The following RUNX1T1 variants were observed in gnomAD, a reference collection of about 807,000 sequenced individuals.
RUNX1T1 encodes RUNX1 partner transcriptional co-repressor 1, also known as protein CBFA2T1.
RUNX1T1 carries 4 observed loss-of-function variants against 62.8 expected under a neutral mutation model. The ratio of observed to expected loss-of-function variants is 0.06; its 90% confidence interval spans 0.03 to 0.15. The LOEUF is 0.15. Among genes scored for constraint, RUNX1T1 ranks in the 10% least tolerant of loss-of-function variants. RUNX1T1 has a pLI of 1.00. For synonymous variants in RUNX1T1, 291 were observed against 286.0 expected (o/e 1.02, Z -0.18); for missense variants, 508 against 754.3 (o/e 0.67, Z 3.82).
chr8:91,968,391 A>G (rs926171892), intron 10 of RUNX1T1, among the ~76,000 whole-genome samples: 3 of 152,208 alleles, frequency 2.0e-5, no homozygotes, highest in African/African-American at 7.2e-5. Context: ...ACTCTCCGGT[A>G]AGTTTTGCAC....
rs544733008 is a variant in RUNX1T1, at chr8:92,077,038, A to G, written c.-85-901T>C. The stretch of plus-strand genomic sequence containing the variant: ...AAAAGGAATTACTAAGGCTGTAGCT[A>G]TTATTTTTTGAGACCAAATTACTTC... On this transcript the variant is annotated intron_variant, in intron 1 of 11. Coordinates refer to the RUNX1T1 transcript ENST00000265814. 4.6e-5 allele frequency among the ~76,000 whole-genome samples: 7 copies of G among 152,232 alleles called. No homozygotes were observed. The East Asian group carries it at 1.3e-3, about 29-fold the overall frequency.
At chr8:92,095,628 G>C (rs760243064) in intron 1 of RUNX1T1, 13 of 1,316,892 alleles carry the variant, frequency 9.9e-6, no homozygotes, top group Non-Finnish European at 1.3e-5. Context: ...GAGAGAGAGA[G>C]AAGACAGAAA....
intron 1 of RUNX1T1, among the ~76,000 whole-genome samples, chr8:92,047,139 T>C: frequency 6.6e-6 from 1 of 152,146 alleles, no homozygotes; most frequent in East Asian, 1.9e-4. Flanking sequence ...CGCTCCCTGC[T>C]ACTCTCTGGT....
At chr8:92,080,293 G>A (rs1456210664) in intron 1 of RUNX1T1, among the ~76,000 whole-genome samples, 1 of 152,184 alleles carries the variant, frequency 6.6e-6, no homozygotes, top group African/African-American at 2.4e-5. Flanking sequence ...TCTGTGACCT[G>A]TGATCTTTTT....
chr8:92,031,564 T>C (rs1826232667), intron 1 of RUNX1T1, among the ~76,000 whole-genome samples: 2 of 152,126 alleles, frequency 1.3e-5, no homozygotes, highest in South Asian at 2.1e-4. Flanking sequence ...CTTGACCTCA[T>C]GGGCTCTAGC....
intron 10 of RUNX1T1, among the ~76,000 whole-genome samples, chr8:91,960,992 T>G (rs1810322579): frequency 6.6e-6 from 1 of 152,170 alleles, no homozygotes; most frequent in African/African-American, 2.4e-5. Flanking sequence ...CAAATAAATA[T>G]AATAGAGTAG....
chr8:91,966,876 T>C (rs1811745032), intron 10 of RUNX1T1, among the ~76,000 whole-genome samples: 1 of 152,050 alleles, frequency 6.6e-6, no homozygotes, highest in Non-Finnish European at 1.5e-5. Context: ...TAGGTAGAAA[T>C]AATCATGAAG....
intron 1 of RUNX1T1, among the ~76,000 whole-genome samples, chr8:92,076,898 A>C (rs1029323430): frequency 2.0e-5 from 3 of 152,074 alleles, no homozygotes; most frequent in African/African-American, 4.8e-5. Context: ...GAATAGAAAA[A>C]GTATTGCTAT....
At chr8:91,974,917 T>C (rs1394771579) in intron 9 of RUNX1T1, among the ~76,000 whole-genome samples, 2 of 152,150 alleles carry the variant, frequency 1.3e-5, no homozygotes, top group Non-Finnish European at 2.9e-5. Context: ...AGTCAGCAAG[T>C]TACACAGAAC....
intron 1 of RUNX1T1, among the ~76,000 whole-genome samples, chr8:92,061,357 C>T (rs1430068913): frequency 6.6e-6 from 1 of 152,118 alleles, no homozygotes; most frequent in Non-Finnish European, 1.5e-5. Context: ...ATTATATACC[C>T]AGGGCACATT....
At chr8:92,076,246 T>TA (rs927247456) in intron 1 of RUNX1T1, 109 bp from the exon 2 acceptor site, 8,941 of 742,140 alleles carry the variant, frequency 0.012, no homozygotes, top group South Asian at 0.014. Flanking sequence ...ATGTTTTGTT[T>TA]AAAAAAAAAA....
chr8:92,064,324 C>T (rs1275221950), upstream of RUNX1T1, among the ~76,000 whole-genome samples: 1 of 152,188 alleles, frequency 6.6e-6, no homozygotes, highest in Non-Finnish European at 1.5e-5. Context: ...GACCACAATT[C>T]ATAACGATTA....
rs539910538 is a variant in RUNX1T1 at position 92,029,296 on chromosome 8, G to A, written c.8-11933C>T. ...GTTCATTTCTATAGTGTATCTGAGA[G>A]CACAGTATGAATAGGATAAAAGTGG... On this transcript the variant is annotated intron_variant, in intron 1 of 10. Transcript: ENST00000396218. Among the ~76,000 whole-genome samples the A allele has an allele frequency of 5.4e-4, 82 of 152,176 alleles. 1 individual carries two copies. Among genetic ancestry groups the A allele is most frequent in the Admixed American group, 4.6e-4 (7 of 15,280 alleles).
chr8:92,047,488 G>A (rs1829591058), intron 1 of RUNX1T1, among the ~76,000 whole-genome samples: 2 of 151,974 alleles, frequency 1.3e-5, no homozygotes, highest in Admixed American at 1.3e-4. Flanking sequence ...GTCTGCTCCT[G>A]TTCACTCCCA....
intron 5 of RUNX1T1, 46 bp from the exon 7 acceptor site, chr8:91,991,935 A>G (rs1197405530): frequency 4.4e-6 from 7 of 1,601,188 alleles, no homozygotes; most frequent in Non-Finnish European, 5.1e-6. Context: ...CTATTCAGAA[A>G]CCAGCACAGT....
chr8:91,995,755 C>T (rs1233154890), intron 5 of RUNX1T1, among the ~76,000 whole-genome samples: 1 of 152,110 alleles, frequency 6.6e-6, no homozygotes, highest in African/African-American at 2.4e-5. Flanking sequence ...CCACTGCACT[C>T]CAGCCTGAGC....
chr8:92,022,319 A>G (rs1824278501), intron 1 of RUNX1T1, among the ~76,000 whole-genome samples: 1 of 152,200 alleles, frequency 6.6e-6, no homozygotes, highest in South Asian at 2.1e-4. Flanking sequence ...CAATGGGAAG[A>G]TGCTGGAGAC....
Position 92,014,573 on chromosome 8 carries a change from G to GCTTA in RUNX1T1, c.387+2_387+5dup. ...AAGAAAACTGGGTTGGTTTCCATTTGCTTACCACTAGTCCCAGAACGAGGG... is the reference window on the plus strand; with the variant it reads ...AAGAAAACTGGGTTGGTTTCCATTTGCTTACTTACCACTAGTCCCAGAACGAGGG... On this transcript the variant is annotated splice_donor_region_variant and intron_variant, in intron 3 of 10. Transcript: ENST00000396218. 1 of 1,589,144 alleles carries GCTTA rather than the reference G, an allele frequency of 6.3e-7. No homozygotes were observed. The highest frequency in any genetic ancestry group is 8.6e-7 in the Non-Finnish European group (1 of 1,164,928).
chr8:91,978,560 G>A (rs1229372305), intron 8 of RUNX1T1, among the ~76,000 whole-genome samples: 1 of 152,112 alleles, frequency 6.6e-6, no homozygotes, highest in African/African-American at 2.4e-5. Context: ...TTTGGATTAA[G>A]CAATATACAC....
Sources: allele counts gnomAD v4.1 joint callset (sites outside exome capture counted in the v4.1 genomes callset), GRCh38; gene constraint gnomAD v4.1.1; transcripts MANE v1.5; gene names NCBI Gene and HGNC (gene_info 2026-07-23, HGNC 2026-07-21).